Variants in IGSF21 observed in about 807,000 individuals in gnomAD.
IGSF21 encodes immunoglobulin superfamily member 21.
Under a neutral mutation model 46.8 loss-of-function variants are expected in IGSF21, and 28 were observed. The observed-to-expected ratio is 0.60, with a 90% CI of 0.44 to 0.82. The LOEUF (loss-of-function observed/expected upper bound fraction) is 0.82, where lower values mean the gene tolerates loss of function less well. Ranked by LOEUF, IGSF21 falls within the 40% of genes least tolerant of loss-of-function variation. IGSF21 has a pLI of 0.00. For missense variants in IGSF21, 624 were observed against 665.5 expected, an observed-to-expected ratio of 0.94 and a Z score of 0.69; for synonymous variants, 284 against 273.6, an observed-to-expected ratio of 1.04 and a Z score of -0.38.
intron 1 of IGSF21, among the ~76,000 whole-genome samples, chr1:18,208,145 C>T (rs924603860): frequency 2.0e-5 from 3 of 151,424 alleles, no homozygotes; most frequent in African/African-American, 7.3e-5. Context: ...GAAGGAATAG[C>T]ACAGATGCCT....
chr1:18,365,098 G>A lies in IGSF21; in HGVS notation c.541-125G>A. On this transcript the variant is annotated intron_variant, in intron 5 of 9. Transcript: ENST00000251296. This position sits in a 1 kb window ranked among gnomAD's most constrained non-coding sequence, Gnocchi z 4.8. Reference sequence around the variant, plus strand: ...TTGAAGGGAAAAGAGTGGGGTGAGGGCTACTGTCTAGACTACTATGCTCTG... The same window carrying A: ...TTGAAGGGAAAAGAGTGGGGTGAGGACTACTGTCTAGACTACTATGCTCTG... 1.4e-6 allele frequency: 1 copy of A among 711,478 alleles called. No homozygotes were observed. Among genetic ancestry groups the A allele is most frequent in the Non-Finnish European group, 2.4e-6 (1 of 415,002 alleles). The allele number at this position is 711,478 out of a possible 1,614,324, so 44.1% of individuals were successfully genotyped here. A position where few individuals can be genotyped will look rare whatever the true frequency, so the allele number is the denominator to read the frequency against.
chr1:18,249,088 A>C (rs922745355), intron 2 of IGSF21, among the ~76,000 whole-genome samples: 2 of 152,190 alleles, frequency 1.3e-5, no homozygotes, highest in African/African-American at 4.8e-5. Context: ...GGGAGGAGGA[A>C]AGGAATGGAT....
chr1:18,308,298 G>A (rs1436118516), intron 3 of IGSF21, among the ~76,000 whole-genome samples: 1 of 152,294 alleles, frequency 6.6e-6, no homozygotes, highest in African/African-American at 2.4e-5. Flanking sequence ...TCCAAGTGCA[G>A]CCCATGCCCT....
intron 2 of IGSF21, among the ~76,000 whole-genome samples, chr1:18,262,832 G>A (rs995532170): frequency 2.0e-5 from 3 of 152,222 alleles, no homozygotes; most frequent in East Asian, 3.9e-4. Context: ...GGCTGCCTGC[G>A]ACCTGGCATG....
Position 18,187,883 on chromosome 1 carries a change from G to A in IGSF21, c.71-40015G>A, listed in dbSNP as rs1013622497. On this transcript the variant is annotated intron_variant, in intron 1 of 9. Coordinates refer to ENST00000251296, the MANE Select transcript of IGSF21 (RefSeq NM_032880.5). ...CTGAGCACAGTCCTTGGTAGTAAGC[G>A]GACACTCAGAATGTTTGTTAAATGA... Among the ~76,000 whole-genome samples the A allele has an allele frequency of 6.1e-4, 92 of 151,944 alleles. 1 individual carries two copies. Among genetic ancestry groups the A allele is most frequent in the Non-Finnish European group, 2.1e-4 (14 of 67,994 alleles).
At chr1:18,183,455 A>G (rs2086875060) in intron 1 of IGSF21, among the ~76,000 whole-genome samples, 2 of 152,212 alleles carry the variant, frequency 1.3e-5, no homozygotes, top group Non-Finnish European at 2.9e-5. Context: ...TATTCCAGGA[A>G]CAATGATAAC....
chr1:18,203,245 C>T (rs1037586088), intron 1 of IGSF21, among the ~76,000 whole-genome samples: 1 of 152,192 alleles, frequency 6.6e-6, no homozygotes, highest in Non-Finnish European at 1.5e-5. Flanking sequence ...GTCTTTGCCT[C>T]CTCAAGTCTA....
At chr1:18,366,571 C>T (rs980270211) in intron 6 of IGSF21, among the ~76,000 whole-genome samples, 1 of 152,164 alleles carries the variant, frequency 6.6e-6, no homozygotes, top group African/African-American at 2.4e-5. Flanking sequence ...TGGGAGGTTG[C>T]AGGCTTTGCT....
intron 2 of IGSF21, among the ~76,000 whole-genome samples, chr1:18,270,570 G>A (rs1308030057): frequency 6.6e-6 from 1 of 152,196 alleles, no homozygotes; most frequent in Non-Finnish European, 1.5e-5. Context: ...CCTTCCCTGT[G>A]CAGAGCATCT....
At chr1:18,230,389 G>A (rs545009678) in intron 2 of IGSF21, among the ~76,000 whole-genome samples, 11 of 152,152 alleles carry the variant, frequency 7.2e-5, no homozygotes, top group South Asian at 6.2e-4. Flanking sequence ...GCTGCATATC[G>A]GGCCATGGTA....
intron 1 of IGSF21, among the ~76,000 whole-genome samples, chr1:18,133,702 C>A (rs933650738): frequency 2.0e-5 from 3 of 152,212 alleles, no homozygotes; most frequent in African/African-American, 7.2e-5. Flanking sequence ...CTCCCGTGAC[C>A]CCTGCCTCGG....
At chr1:18,299,951 G>A (rs965065296) in intron 3 of IGSF21, among the ~76,000 whole-genome samples, 3 of 152,128 alleles carry the variant, frequency 2.0e-5, no homozygotes, top group African/African-American at 7.2e-5. Flanking sequence ...CCATCAACTG[G>A]CCAGTGGCTC....
intron 2 of IGSF21, among the ~76,000 whole-genome samples, chr1:18,266,036 G>A (rs891719725): frequency 1.4e-4 from 21 of 152,188 alleles, no homozygotes; most frequent in African/African-American, 5.1e-4. Context: ...CTATCAGAAC[G>A]TGCAGATGAG....
intron 2 of IGSF21, among the ~76,000 whole-genome samples, chr1:18,276,255 TG>T (rs2085101839): frequency 6.6e-6 from 1 of 152,154 alleles, no homozygotes; most frequent in African/African-American, 2.4e-5. Flanking sequence ...CTGGGATCAC[TG>T]GGTAGTATTC....
intron 1 of IGSF21, among the ~76,000 whole-genome samples, chr1:18,186,179 C>T (rs1209755166): frequency 1.3e-5 from 2 of 152,138 alleles, no homozygotes; most frequent in African/African-American, 4.8e-5. Context: ...TTCCACTTTC[C>T]ACCTGGGAGA....
At chr1:18,203,867 G>C (rs116590561) in intron 1 of IGSF21, among the ~76,000 whole-genome samples, 2 of 152,138 alleles carry the variant, frequency 1.3e-5, no homozygotes, top group African/African-American at 4.8e-5. Flanking sequence ...CTGTTATGTG[G>C]GTATTTGTAT....
chr1:18,299,642 G>A (rs2085342750), intron 3 of IGSF21, among the ~76,000 whole-genome samples: 1 of 152,162 alleles, frequency 6.6e-6, no homozygotes, highest in Non-Finnish European at 1.5e-5. Context: ...CACAGGCCCT[G>A]CCCTTATGAA....
chr1:18,162,186 C>T (rs1180948629), intron 1 of IGSF21, among the ~76,000 whole-genome samples: 1 of 152,122 alleles, frequency 6.6e-6, no homozygotes, highest in Non-Finnish European at 1.5e-5. Flanking sequence ...GCTGGGACTA[C>T]AGGCACGTGC....
rs183383333 is a variant in IGSF21, at chr1:18,281,120, C to A, written c.184-10746C>A. On this transcript the variant is annotated intron_variant, in intron 2 of 9. Coordinates refer to ENST00000251296, the MANE Select transcript of IGSF21 (RefSeq NM_032880.5). Reference sequence around the variant, plus strand: ...AGGTGTTTATGAATGAAGAAATGAACGAATGAATGAATGAATGAATGAACA... The same window carrying A: ...AGGTGTTTATGAATGAAGAAATGAAAGAATGAATGAATGAATGAATGAACA... Among the ~76,000 whole-genome samples the A allele has an allele frequency of 8.1e-5, 9 of 110,784 alleles. No homozygotes were observed. In the East Asian group the frequency reaches 1.9e-3, roughly 23 times the overall value. 72.7% of individuals were successfully genotyped at this position (110,784 alleles called of 152,430 possible). A position where few individuals can be genotyped will look rare whatever the true frequency, so the allele number is the denominator to read the frequency against.
Sources: allele counts gnomAD v4.1 joint callset (sites outside exome capture counted in the v4.1 genomes callset), GRCh38; gene constraint gnomAD v4.1.1; non-coding constraint Gnocchi (gnomAD v3.1); transcripts MANE v1.5; gene names NCBI Gene and HGNC (gene_info 2026-07-23, HGNC 2026-07-21).